Variants in CEP135 observed in about 807,000 individuals in gnomAD.
The protein encoded by CEP135 is centrosomal protein 135, also known as centrosomal protein of 135 kDa.
Under a neutral mutation model 157.3 loss-of-function variants are expected in CEP135, and 142 were observed. That is an observed-to-expected ratio of 0.90 (90% CI 0.79 to 1.04). CEP135 has a LOEUF of 1.04. Among genes scored for constraint, CEP135 ranks in the 50% least tolerant of loss-of-function variants. The pLI is 0.00. For missense variants in CEP135, 1,317 were observed against 1,309.2 expected (o/e 1.01, Z -0.09); for synonymous variants, 396 against 439.8 (o/e 0.90, Z 1.25).
chr4:55,951,668 G>A (rs1728366484), intron 1 of CEP135, among the ~76,000 whole-genome samples: 1 of 152,142 alleles, frequency 6.6e-6, no homozygotes, highest in South Asian at 2.1e-4. Flanking sequence ...GTCAGATATT[G>A]TGAATATTTT....
At chr4:55,949,752 A>T (rs1728301325) in intron 1 of CEP135, among the ~76,000 whole-genome samples, 1 of 152,224 alleles carries the variant, frequency 6.6e-6, no homozygotes, top group Non-Finnish European at 1.5e-5. Flanking sequence ...AGAAACTTAG[A>T]GTATAGCCAC....
rs1386037549 is a variant in CEP135 at position 56,019,447 on chromosome 4, T to G, written c.3107T>G (p.Leu1036Trp). The change falls in exon 23 of 26, where the codon TTG (leucine) becomes TGG (tryptophan). Residue 1036 changes from leucine (L) to tryptophan (W), a missense_variant. Physicochemically the swap from Leu to Trp is moderately conservative, Grantham distance 61. Transcript: ENST00000257287. ...CATACAGTTAAAAACCTCGAATCAT[T>G]GTTGGCTACAAACAGAGATAAAGAA... ...ERHTVKNLES[L>W]LATNRDKEFH... 1 of 1,614,008 alleles carries G rather than the reference T, an allele frequency of 6.2e-7. No homozygotes were observed. Among genetic ancestry groups the G allele is most frequent in the Non-Finnish European group, 8.5e-7 (1 of 1,179,936 alleles).
At chr4:55,986,930 C>T (rs887289775) in intron 14 of CEP135, among the ~76,000 whole-genome samples, 18 of 152,076 alleles carry the variant, frequency 1.2e-4, no homozygotes, top group Admixed American at 6.5e-5. Context: ...CTTTATGTGC[C>T]TGGTAATTTA....
intron 9 of CEP135, among the ~76,000 whole-genome samples, chr4:55,969,608 A>G (rs1048314120): frequency 6.6e-6 from 1 of 152,160 alleles, no homozygotes; most frequent in African/African-American, 2.4e-5. Context: ...TACAAGGTTC[A>G]TGCATGTGGT....
intron 6 of CEP135, 103 bp downstream of exon 6, chr4:55,959,869 C>A: frequency 1.1e-6 from 1 of 895,828 alleles, no homozygotes; most frequent in Non-Finnish European, 1.8e-6. Flanking sequence ...AGTTTTTATA[C>A]AGCTTTCCTC....
intron 1 of CEP135, among the ~76,000 whole-genome samples, chr4:55,951,078 T>C (rs1297740991): frequency 6.6e-6 from 1 of 152,264 alleles, no homozygotes; most frequent in Non-Finnish European, 1.5e-5. Context: ...TCATCCATGC[T>C]GTTGATGTGT....
At chr4:55,980,103 T>G in intron 11 of CEP135, 40 bp from the exon 12 acceptor site, 1 of 1,498,584 alleles carries the variant, frequency 6.7e-7, no homozygotes, top group Non-Finnish European at 9.2e-7. Flanking sequence ...GTGACAACCA[T>G]GTGGTGATGA....
intron 17 of CEP135, among the ~76,000 whole-genome samples, chr4:56,005,613 A>AT (rs1304926641): frequency 2.6e-5 from 4 of 152,238 alleles, no homozygotes; most frequent in African/African-American, 4.8e-5. Context: ...TCATACTAGA[A>AT]TTATAAGTGG....
At chr4:56,004,449 A>G (rs565765397) in intron 17 of CEP135, among the ~76,000 whole-genome samples, 8 of 152,248 alleles carry the variant, frequency 5.3e-5, no homozygotes, top group East Asian at 1.9e-4. Context: ...ATTAACTCCA[A>G]TGTTTCTTTG....
At chr4:55,957,115 A>G (rs1728532365) in intron 4 of CEP135, 108 bp from the exon 5 acceptor site, 13 of 1,131,456 alleles carry the variant, frequency 1.1e-5, no homozygotes, top group Non-Finnish European at 8.9e-6. Flanking sequence ...GTCAATATGT[A>G]TTATGAACTG....
intron 25 of CEP135, among the ~76,000 whole-genome samples, chr4:56,024,849 G>A (rs1731100838): frequency 6.6e-6 from 1 of 151,088 alleles, no homozygotes; most frequent in African/African-American, 2.4e-5. Context: ...TAAGAGATGG[G>A]GTCTCGGCCA....
At chr4:56,007,113 C>T (rs764922246) in intron 17 of CEP135, among the ~76,000 whole-genome samples, 51 of 152,246 alleles carry the variant, frequency 3.3e-4, no homozygotes, top group Non-Finnish European at 5.1e-4. Context: ...AGGCTGGTCT[C>T]GAACTCCTGA....
intron 9 of CEP135, among the ~76,000 whole-genome samples, chr4:55,970,813 C>T (rs765306468): frequency 2.0e-5 from 3 of 152,108 alleles, no homozygotes; most frequent in Admixed American, 6.5e-5. Context: ...TACTTCATAA[C>T]CATAGATTCA....
intron 21 of CEP135, among the ~76,000 whole-genome samples, chr4:56,012,474 A>G (rs898243127): frequency 6.6e-6 from 1 of 152,248 alleles, no homozygotes; most frequent in African/African-American, 2.4e-5. Context: ...AGTAAAAGAT[A>G]CATACATCAA....
chr4:56,006,988 A>T (rs1359481242), intron 17 of CEP135, among the ~76,000 whole-genome samples: 1 of 151,988 alleles, frequency 6.6e-6, no homozygotes, highest in Non-Finnish European at 1.5e-5. Context: ...CCGTCTCCTG[A>T]GTTCAAGCTA....
At chr4:56,024,363 C>A in intron 24 of CEP135, 138 bp from the exon 25 acceptor site, 1 of 525,124 alleles carries the variant, frequency 1.9e-6, no homozygotes. Flanking sequence ...AAAAATTGTA[C>A]AAAGACATAG....
chr4:55,997,424 A>G (rs1038849669), intron 15 of CEP135, among the ~76,000 whole-genome samples: 1 of 152,202 alleles, frequency 6.6e-6, no homozygotes, highest in Non-Finnish European at 1.5e-5. Context: ...TTATGAAGTT[A>G]GATATAAAGC....
In CEP135 at chr4:56,010,256, G is replaced by A. The variant is rs984318622; in HGVS notation, c.2505+353G>A. Among the ~76,000 whole-genome samples the A allele has an allele frequency of 1.1e-3, 163 of 148,082 alleles. 3 individuals carry two copies. Among genetic ancestry groups the A allele is most frequent in the Non-Finnish European group, 1.5e-4 (10 of 67,466 alleles). ...CATGCGCCTGTAATCCCAGCTGCTCGGAAGGCTGAGGCAGGAGAATCACCT... is the reference window on the plus strand; with the variant it reads ...CATGCGCCTGTAATCCCAGCTGCTCAGAAGGCTGAGGCAGGAGAATCACCT... On this transcript the variant is annotated intron_variant, in intron 19 of 25. Transcript: ENST00000257287.
chr4:55,965,556 A>G, intron 7 of CEP135, 88 bp from the exon 8 acceptor site: 1 of 837,252 alleles, frequency 1.2e-6, no homozygotes. Flanking sequence ...AATTTTTAAA[A>G]TATAGTTTTT....
Sources: gnomAD v4.1 joint callset for allele counts (sites outside exome capture counted in the v4.1 genomes callset) on GRCh38, gnomAD v4.1.1 for gene constraint, MANE v1.5 for transcripts, NCBI Gene and HGNC (gene_info 2026-07-23, HGNC 2026-07-21) for gene names.